Variants in TLR1 observed in about 807,000 individuals in gnomAD.
The protein encoded by TLR1 is toll like receptor 1.
In TLR1, 19 loss-of-function variants were observed where a neutral mutation model predicts 20.2. The observed-to-expected ratio is 0.94, with a 90% CI of 0.66 to 1.38. TLR1 has a LOEUF of 1.38. TLR1 is among the 40% of genes most tolerant of loss of function. The pLI, the probability that TLR1 is intolerant of heterozygous loss-of-function variation, is 0.00. For missense variants in TLR1, 921 were observed against 910.0 expected, an observed-to-expected ratio of 1.01 and a Z score of -0.16; for synonymous variants, 320 against 334.5, an observed-to-expected ratio of 0.96 and a Z score of 0.47.
Position 38,798,402 on chromosome 4 carries a change from GA to G in TLR1, c.429del (p.Leu144TrpfsTer3). On this transcript the variant is annotated frameshift_variant, in exon 4 of 4. Coordinates refer to ENST00000308979, the MANE Select transcript of TLR1 (RefSeq NM_003263.4). LOFTEE classifies it low-confidence loss of function (END_TRUNC). ...KEFGNMSQLK[F>X]LGLSTTHLEK... The stretch of plus-strand genomic sequence containing the variant: ...TCTAAGTGTGTGGTGCTCAACCCCA[GA>G]AATTTTAGTTGAGACATATTGCCAA... 1 of 1,613,654 alleles carries G rather than the reference GA, an allele frequency of 6.2e-7. No homozygotes were observed. The highest frequency in any genetic ancestry group is 8.5e-7 in the Non-Finnish European group (1 of 1,179,746).
chr4:38,795,383 G>C (rs1725973900), downstream of TLR1, among the ~76,000 whole-genome samples: 1 of 152,100 alleles, frequency 6.6e-6, no homozygotes, highest in Non-Finnish European at 1.5e-5. Context: ...ATGTTTGATG[G>C]GTATGAAAAG....
downstream of TLR1, among the ~76,000 whole-genome samples, chr4:38,794,891 TG>T (rs748650340): frequency 6.6e-6 from 1 of 152,196 alleles, no homozygotes; most frequent in Non-Finnish European, 1.5e-5. Context: ...GTAGGCTTTT[TG>T]GTTTTTGTTG....
chr4:38,793,172 C>A (rs1017071638), downstream of TLR1, among the ~76,000 whole-genome samples: 7 of 152,048 alleles, frequency 4.6e-5, no homozygotes, highest in African/African-American at 1.4e-4. Context: ...GTGGGGTGTG[C>A]TCCCTCTGAC....
chr4:38,799,127 G>T (rs577461835), intron 3 of TLR1, among the ~76,000 whole-genome samples: 2 of 152,134 alleles, frequency 1.3e-5, no homozygotes, highest in Non-Finnish European at 2.9e-5. Context: ...TTGAATGGTG[G>T]CTCACCAAAA....
chr4:38,799,966 A>C (rs1425521986), intron 3 of TLR1, among the ~76,000 whole-genome samples: 2 of 152,230 alleles, frequency 1.3e-5, no homozygotes, highest in Non-Finnish European at 2.9e-5. Flanking sequence ...ATGAATGACT[A>C]AACTCAAGTT....
chr4:38,798,254 T>G lies in TLR1; in HGVS notation c.578A>C (p.His193Pro). The G allele has an allele frequency of 6.2e-7, 1 of 1,613,352 alleles. No homozygotes were observed. Among genetic ancestry groups the G allele is most frequent in the Non-Finnish European group, 8.5e-7 (1 of 1,179,444 alleles). ...TTCTTTGTTTGTGGGGAACACAATG[T>G]GCAGACTCTCAGTGTTAAAGTCTTG... is the stretch of plus-strand genomic sequence containing the variant. ...GLQDFNTESL[H>P]IVFPTNKEFH... The change falls in exon 4 of 4, where the codon CAC becomes CCC. Residue 193 changes from histidine (H) to proline (P), a missense_variant. Physicochemically the swap from His to Pro is moderately conservative, Grantham distance 77 (BLOSUM62 -2). Coordinates refer to ENST00000308979, the MANE Select transcript of TLR1 (RefSeq NM_003263.4).
At position 38,796,861 on chromosome 4, in the gene TLR1, T is replaced by G; in HGVS notation, c.1971A>C (p.Pro657=). Residue 657 remains proline, a synonymous_variant, in exon 4 of 4, where the codon CCA becomes CCC. Coordinates refer to ENST00000308979, the MANE Select transcript of TLR1 (RefSeq NM_003263.4). ...DSFWVKNELL[P]NLEKEGMQIC... ...TCTGCATACCTTCTTTCTCTAGGTT[T>G]GGCAATAATTCATTCTTCACCCAGA... 2 of 1,614,250 alleles carry G rather than the reference T, an allele frequency of 1.2e-6. No homozygotes were observed. The highest frequency in any genetic ancestry group is 1.1e-5 in the South Asian group (1 of 91,092).
At chr4:38,799,870 T>C (rs375038328) in intron 3 of TLR1, among the ~76,000 whole-genome samples, 6 of 152,368 alleles carry the variant, frequency 3.9e-5, no homozygotes, top group African/African-American at 1.4e-4. Context: ...CTACTGGCCA[T>C]GTTTTAAGAA....
In TLR1 at chr4:38,799,018, C is replaced by T. The variant is rs1199169287; in HGVS notation, c.-67-120G>A. The T allele has an allele frequency of 1.6e-5, 8 of 514,566 alleles. No individual in the cohort carries two copies. The East Asian group carries it at 2.7e-4, about 17-fold the overall frequency. The allele number at this position is 514,566 out of a possible 1,614,324, so 31.9% of individuals were successfully genotyped here. ...AGACTTATAAAGTGGAGGCTACATT[C>T]TTTTGGGTTACATGGCCTAAAACTA... On this transcript the variant is annotated intron_variant, in intron 3 of 3. Coordinates refer to ENST00000308979, the MANE Select transcript of TLR1 (RefSeq NM_003263.4).
chr4:38,799,661 C>T (rs982708264), intron 3 of TLR1, among the ~76,000 whole-genome samples: 3 of 152,184 alleles, frequency 2.0e-5, no homozygotes, highest in Admixed American at 1.3e-4. Context: ...CACTCTTTGA[C>T]GTACATCTCC....
downstream of TLR1, among the ~76,000 whole-genome samples, chr4:38,793,113 A>G (rs950470755): frequency 6.6e-6 from 1 of 151,948 alleles, no homozygotes; most frequent in East Asian, 1.9e-4. Context: ...AGCATTTTGG[A>G]GAGAGGTTTT....
intron 2 of TLR1, among the ~76,000 whole-genome samples, chr4:38,802,540 G>C (rs1367178020): frequency 1.3e-5 from 2 of 152,230 alleles, no homozygotes; most frequent in East Asian, 1.9e-4. Context: ...CCCACCCCAA[G>C]GGAAGAATCA....
intron 2 of TLR1, among the ~76,000 whole-genome samples, chr4:38,801,864 T>C (rs181790154): frequency 2.2e-4 from 34 of 152,198 alleles, no homozygotes; most frequent in Admixed American, 2.0e-3. Context: ...CAACCAGGAA[T>C]ATCAGGTGAC....
Position 38,798,926 on chromosome 4 carries a change from A to C in TLR1, c.-67-28T>G, listed in dbSNP as rs572689313. ...AGAAAAAAAATAATGAAATGATGAA[A>C]TACATTACATACATTTTTAAAATAC... On this transcript the variant is annotated intron_variant, in intron 3 of 3. Coordinates refer to ENST00000308979, the MANE Select transcript of TLR1 (RefSeq NM_003263.4). 7.0e-6 allele frequency: 7 copies of C among 992,912 alleles called. No homozygotes were observed. In the Admixed American group the frequency reaches 9.0e-5, roughly 13 times the overall value. The allele number at this position is 992,912 out of a possible 1,614,324, so 61.5% of individuals were successfully genotyped here.
At chr4:38,801,236 A>G (rs928247160) in intron 2 of TLR1, among the ~76,000 whole-genome samples, 3 of 152,220 alleles carry the variant, frequency 2.0e-5, no homozygotes, top group Non-Finnish European at 4.4e-5. Context: ...TTTATGAGTC[A>G]GATTAGTACC....
At chr4:38,795,249 G>A (rs145561681), downstream of TLR1, among the ~76,000 whole-genome samples, 262 of 152,276 alleles carry the variant, frequency 1.7e-3, 1 homozygote, top group African/African-American at 6.2e-3. Flanking sequence ...AGCATCCCAC[G>A]CAGTGGTATC....
intron 2 of TLR1, among the ~76,000 whole-genome samples, chr4:38,802,064 G>A (rs1383629110): frequency 6.6e-6 from 1 of 152,170 alleles, no homozygotes; most frequent in Non-Finnish European, 1.5e-5. Flanking sequence ...GGGCGTGATG[G>A]CAGGTGCCTG....
At chr4:38,790,463 C>A (rs142511790), downstream of TLR1, among the ~76,000 whole-genome samples, 51 of 152,234 alleles carry the variant, frequency 3.4e-4, no homozygotes, top group African/African-American at 1.2e-3. Context: ...ATTTCTGATT[C>A]TTTGTATGTA....
chr4:38,794,054 C>A (rs984027467), downstream of TLR1, among the ~76,000 whole-genome samples: 5 of 152,140 alleles, frequency 3.3e-5, no homozygotes, highest in African/African-American at 1.2e-4. Context: ...CCTGCCAACA[C>A]CTTGATTTTG....
Sources: gnomAD v4.1 joint callset for allele counts (sites outside exome capture counted in the v4.1 genomes callset) on GRCh38, gnomAD v4.1.1 for gene constraint, MANE v1.5 for transcripts, NCBI Gene and HGNC (gene_info 2026-07-23, HGNC 2026-07-21) for gene names.